Variants in GFRA1 observed in about 807,000 individuals in gnomAD.
GFRA1 encodes the protein GDNF family receptor alpha-1.
Under a neutral mutation model 51.6 loss-of-function variants are expected in GFRA1, and 16 were observed. The ratio of observed to expected loss-of-function variants is 0.31; its 90% confidence interval spans 0.21 to 0.47. The LOEUF (loss-of-function observed/expected upper bound fraction) is 0.47, where lower values mean the gene tolerates loss of function less well. GFRA1 is among the 20% of genes least tolerant of loss of function. The pLI, the probability that GFRA1 is intolerant of heterozygous loss-of-function variation, is 1.00. For missense variants in GFRA1, 530 were observed against 594.3 expected (o/e 0.89, Z 1.13); for synonymous variants, 270 against 241.3 (o/e 1.12, Z -1.10).
intron 4 of GFRA1, among the ~76,000 whole-genome samples, chr10:116,251,818 C>T (rs1275269316): frequency 6.6e-6 from 1 of 151,890 alleles, no homozygotes; most frequent in Admixed American, 6.6e-5. Context: ...GGAGGAGGTA[C>T]ACGTCTGAAA....
At chr10:116,194,066 T>TAAAAAAAAAAAAAAAAAAA (rs1051845471) in intron 5 of GFRA1, among the ~76,000 whole-genome samples, 1 of 27,002 alleles carries the variant, frequency 3.7e-5, no homozygotes, top group Non-Finnish European at 8.7e-5. Flanking sequence ...AAATAAAATT[T>TAAAAAAAAAAAAAAAAAAA]AAAAAAAAAA....
At chr10:116,067,074 G>A (rs941007514) in intron 9 of GFRA1, among the ~76,000 whole-genome samples, 3 of 152,218 alleles carry the variant, frequency 2.0e-5, no homozygotes, top group Non-Finnish European at 2.9e-5. Flanking sequence ...TCAAGAATAA[G>A]ACACTGTGAA....
intron 4 of GFRA1, among the ~76,000 whole-genome samples, chr10:116,214,619 T>A (rs1173544174): frequency 6.6e-6 from 1 of 152,176 alleles, no homozygotes; most frequent in Non-Finnish European, 1.5e-5. Context: ...AAATTAGAGA[T>A]TTATCATTCC....
intron 5 of GFRA1, among the ~76,000 whole-genome samples, chr10:116,162,762 G>T (rs1168214637): frequency 1.3e-5 from 2 of 152,040 alleles, no homozygotes; most frequent in Non-Finnish European, 2.9e-5. Flanking sequence ...CACTTTAAAG[G>T]GTGGGTTCTA....
At chr10:116,090,256 G>A (rs1301521326) in intron 8 of GFRA1, among the ~76,000 whole-genome samples, 2 of 151,980 alleles carry the variant, frequency 1.3e-5, no homozygotes, top group Non-Finnish European at 2.9e-5. Context: ...CCCAGCATCA[G>A]TACTGTTACT....
intron 4 of GFRA1, among the ~76,000 whole-genome samples, chr10:116,239,906 G>A (rs80284387): frequency 3.3e-4 from 50 of 152,098 alleles, no homozygotes; most frequent in African/African-American, 9.9e-4. Flanking sequence ...TCACAATAGC[G>A]CCCTGTTAAC....
chr10:116,186,404 G>C (rs1196669352), intron 5 of GFRA1, among the ~76,000 whole-genome samples: 1 of 152,194 alleles, frequency 6.6e-6, no homozygotes, highest in Non-Finnish European at 1.5e-5. Context: ...CCTAACGACT[G>C]ATGTGCCACT....
chr10:116,245,237 G>T (rs545144748), intron 4 of GFRA1, among the ~76,000 whole-genome samples: 1 of 152,192 alleles, frequency 6.6e-6, no homozygotes. Context: ...TTAAGAAAAC[G>T]ACTCAATTTT....
At chr10:116,247,031 C>G (rs926800047) in intron 4 of GFRA1, among the ~76,000 whole-genome samples, 1 of 152,122 alleles carries the variant, frequency 6.6e-6, no homozygotes, top group Admixed American at 6.5e-5. Context: ...ACAGCTCTGC[C>G]GAGGCAAAGA....
intron 6 of GFRA1, among the ~76,000 whole-genome samples, chr10:116,109,067 A>C (rs553089979): frequency 3.9e-5 from 6 of 152,274 alleles, no homozygotes; most frequent in African/African-American, 1.4e-4. Context: ...AGAACCTGTC[A>C]CTGTGCCCAG....
At chr10:116,156,243 A>C (rs535734366) in intron 5 of GFRA1, among the ~76,000 whole-genome samples, 1 of 152,326 alleles carries the variant, frequency 6.6e-6, no homozygotes, top group South Asian at 2.1e-4. Context: ...TCACCACTAC[A>C]TCAATCTGAT....
intron 5 of GFRA1, among the ~76,000 whole-genome samples, chr10:116,151,465 T>TG (rs1959062197): frequency 6.6e-6 from 1 of 152,070 alleles, no homozygotes; most frequent in Non-Finnish European, 1.5e-5. Flanking sequence ...ACTCTTCTCT[T>TG]GGGGGGATGT....
intron 5 of GFRA1, among the ~76,000 whole-genome samples, chr10:116,181,483 G>A (rs773255662): frequency 5.9e-5 from 9 of 152,170 alleles, no homozygotes; most frequent in Non-Finnish European, 8.8e-5. Context: ...TCCTCATGCT[G>A]GAGGACTGAG....
intron 6 of GFRA1, among the ~76,000 whole-genome samples, chr10:116,111,634 G>C (rs145798677): frequency 1.2e-3 from 183 of 152,232 alleles, no homozygotes; most frequent in African/African-American, 4.1e-3. Flanking sequence ...CTCATTTTCA[G>C]CTTTGCAGAC....
intron 4 of GFRA1, among the ~76,000 whole-genome samples, chr10:116,248,230 G>A (rs1248211609): frequency 6.6e-6 from 1 of 152,206 alleles, no homozygotes; most frequent in Admixed American, 6.5e-5. Flanking sequence ...CTCAGAGCTG[G>A]AGATCACAGG....
In GFRA1 at chr10:116,210,578, C is replaced by A. The variant is rs1261370812; in HGVS notation, c.433+1053G>T. ...TTATAAATTATTTATAAAAGTAAGT[C>A]TATGACTCCAGACTCTTAAAAGACA... On this transcript the variant is annotated intron_variant, in intron 5 of 10. Transcript: ENST00000355422. Among the ~76,000 whole-genome samples the A allele has an allele frequency of 2.0e-5, 3 of 152,286 alleles. No individual in the cohort carries two copies. In the East Asian group the frequency reaches 5.8e-4, roughly 29 times the overall value.
At chr10:116,174,307 G>T (rs1961366207) in intron 5 of GFRA1, among the ~76,000 whole-genome samples, 1 of 152,196 alleles carries the variant, frequency 6.6e-6, no homozygotes, top group Non-Finnish European at 1.5e-5. Flanking sequence ...TTTCAGAAAA[G>T]AGTGCTAAGT....
chr10:116,172,686 T>C (rs1021818861), intron 5 of GFRA1, among the ~76,000 whole-genome samples: 2 of 152,074 alleles, frequency 1.3e-5, no homozygotes, highest in Admixed American at 1.3e-4. Flanking sequence ...GGGACGGGCA[T>C]GTGTAAGTGG....
intron 4 of GFRA1, among the ~76,000 whole-genome samples, chr10:116,251,138 A>G (rs1037218644): frequency 6.6e-6 from 1 of 152,146 alleles, no homozygotes; most frequent in African/African-American, 2.4e-5. Context: ...CTATCAAAAC[A>G]CGTGCATTTT....
Sources: gnomAD v4.1 joint callset for allele counts (sites outside exome capture counted in the v4.1 genomes callset) on GRCh38, gnomAD v4.1.1 for gene constraint, MANE v1.5 for transcripts, NCBI Gene and HGNC (gene_info 2026-07-23, HGNC 2026-07-21) for gene names.